The following KDM1B variants were observed in gnomAD, a reference collection of about 807,000 sequenced individuals.
The protein encoded by KDM1B is lysine demethylase 1B, also known as lysine-specific histone demethylase 2.
A neutral mutation model predicts 107.4 loss-of-function variants in KDM1B; 63 were observed. The ratio of observed to expected loss-of-function variants is 0.59; its 90% CI spans 0.48 to 0.72. The LOEUF (loss-of-function observed/expected upper bound fraction) is 0.72. Ranked by LOEUF, KDM1B falls within the 30% of genes least tolerant of loss-of-function variation. The pLI is 0.00. For synonymous variants in KDM1B, 363 were observed against 363.9 expected, an observed-to-expected ratio of 1.00 and a Z score of 0.03; for missense variants, 749 against 1,020.8, an observed-to-expected ratio of 0.73 and a Z score of 3.63.
At chr6:18,220,782 T>A (rs1383268461) in intron 21 of KDM1B, among the ~76,000 whole-genome samples, 2 of 151,614 alleles carry the variant, frequency 1.3e-5, no homozygotes, top group Non-Finnish European at 2.9e-5. Flanking sequence ...TTTCCTTTTT[T>A]TTTTTTTGAG....
In KDM1B at chr6:18,162,986, G is replaced by T. The variant is rs1236374219; in HGVS notation, c.305+62G>T. On this transcript the variant is annotated intron_variant, in intron 5 of 21. Transcript: ENST00000650836. The surrounding 1 kb of genome is among the most constrained non-coding windows in gnomAD (Gnocchi z 4.1). ...GGGGACCGTGGCAGGGGCAGTGCGT[G>T]TGGTCAGCTGATTAAAGCTTAGTCT... The T allele has an allele frequency of 3.1e-6, 3 of 963,560 alleles. No homozygotes were observed. The highest frequency in any genetic ancestry group is 3.5e-5 in the Admixed American group (2 of 57,950). The allele number at this position is 963,560 out of a possible 1,614,324, so 59.7% of individuals were successfully genotyped here.
At chr6:18,218,835 G>T (rs1789445329) in intron 21 of KDM1B, among the ~76,000 whole-genome samples, 1 of 151,948 alleles carries the variant, frequency 6.6e-6, no homozygotes, top group Non-Finnish European at 1.5e-5. Context: ...TGACCTCTGA[G>T]ATTACTGCAG....
At chr6:18,175,422 ACT>A (rs1203188764) in intron 7 of KDM1B, among the ~76,000 whole-genome samples, 6 of 151,434 alleles carry the variant, frequency 4.0e-5, no homozygotes, top group Non-Finnish European at 7.4e-5. Flanking sequence ...ATTTTCTCCC[ACT>A]CTCTGGGTTG....
intron 6 of KDM1B, among the ~76,000 whole-genome samples, chr6:18,166,681 TA>T (rs537691059): frequency 2.4e-4 from 36 of 151,854 alleles, no homozygotes; most frequent in Middle Eastern, 3.4e-3. Flanking sequence ...ACCCCATCTT[TA>T]CAAAAAAAAA....
At position 18,217,837 on chromosome 6, in the gene KDM1B, C is replaced by T. The variant is rs142860049; in HGVS notation, c.2337C>T (p.Tyr779=). Residue 779 remains tyrosine (Y), a synonymous_variant, in exon 21 of 22, where the codon TAC becomes TAT. Coordinates refer to ENST00000650836, the MANE Select transcript of KDM1B (RefSeq NM_001364614.2). The stretch of plus-strand genomic sequence containing the variant: ...AGACAGGTGGAAGTGGGGAGGCCTA[C>T]GATATCATTGCTGAAGACATTCAAG... ...FVKTGGSGEA[Y]DIIAEDIQGT... The T allele has an allele frequency of 2.1e-3, 3,437 of 1,613,988 alleles. 6 individuals carry two copies. The highest frequency in any genetic ancestry group is 2.3e-3 in the Middle Eastern group (14 of 6,062).
intron 5 of KDM1B, among the ~76,000 whole-genome samples, chr6:18,165,843 T>A (rs1785263549): frequency 1.3e-5 from 2 of 151,866 alleles, no homozygotes; most frequent in Non-Finnish European, 2.9e-5. Context: ...AAAAAAATAA[T>A]AAAAAAATAA....
chr6:18,197,943 T>TG lies in KDM1B; in HGVS notation c.1221+283dup. On this transcript the variant is annotated intron_variant, in intron 12 of 21. Coordinates refer to ENST00000650836, the MANE Select transcript of KDM1B (RefSeq NM_001364614.2). The surrounding 1 kb of genome is among the most constrained non-coding windows in gnomAD (Gnocchi z 4.5). ...AGAAATTCTTTTTTTTTTTTTTTTT[T>TG]GAGACAGAGTCTTGCTCTGTCGCCC... 6.7e-6 allele frequency among the ~76,000 whole-genome samples: 1 copy of TG among 148,788 alleles called. No individual in the cohort carries two copies. The highest frequency in any genetic ancestry group is 2.1e-4 in the South Asian group (1 of 4,748).
At chr6:18,183,840 A>T (rs1786648330) in intron 7 of KDM1B, among the ~76,000 whole-genome samples, 1 of 151,998 alleles carries the variant, frequency 6.6e-6, no homozygotes. Context: ...GTTCATGAAT[A>T]TAAGGGCTGT....
intron 21 of KDM1B, among the ~76,000 whole-genome samples, chr6:18,218,442 T>C (rs1229457163): frequency 6.6e-6 from 1 of 152,152 alleles, no homozygotes; most frequent in Non-Finnish European, 1.5e-5. Flanking sequence ...ATCTTCTGAT[T>C]TAACATTAGA....
intron 7 of KDM1B, among the ~76,000 whole-genome samples, chr6:18,185,214 T>C (rs1561926375): frequency 6.6e-6 from 1 of 152,192 alleles, no homozygotes; most frequent in Non-Finnish European, 1.5e-5. Flanking sequence ...ATGTTCGTAT[T>C]TTGTCACCGC....
At chr6:18,176,672 T>C (rs1323685175) in intron 7 of KDM1B, among the ~76,000 whole-genome samples, 1 of 152,218 alleles carries the variant, frequency 6.6e-6, no homozygotes, top group Non-Finnish European at 1.5e-5. Flanking sequence ...AAAGCGTTGC[T>C]GGATTTTGTC....
intron 6 of KDM1B, 125 bp downstream of exon 6, chr6:18,166,503 A>G (rs1785307274): frequency 1.6e-6 from 1 of 615,348 alleles, no homozygotes. Flanking sequence ...TATTAAAGCA[A>G]ATATTTTTTA....
intron 6 of KDM1B, among the ~76,000 whole-genome samples, chr6:18,169,750 T>A (rs1785536824): frequency 6.6e-6 from 1 of 152,162 alleles, no homozygotes. Context: ...TTCTAAGAGT[T>A]CTGTTGTTTG....
At chr6:18,170,173 A>G (rs974143555) in intron 6 of KDM1B, among the ~76,000 whole-genome samples, 1 of 152,134 alleles carries the variant, frequency 6.6e-6, no homozygotes, top group Non-Finnish European at 1.5e-5. Flanking sequence ...AGCCTCCCAA[A>G]GTGCAGGCGT....
intron 15 of KDM1B, among the ~76,000 whole-genome samples, chr6:18,206,151 CTT>C (rs70974712): frequency 1.2e-3 from 169 of 143,762 alleles, no homozygotes; most frequent in African/African-American, 1.8e-3. Context: ...GTTTTTTAAA[CTT>C]TTTTTTTTTT....
At chr6:18,208,829 AT>A (rs1481839526) in intron 17 of KDM1B, among the ~76,000 whole-genome samples, 82 of 123,376 alleles carry the variant, frequency 6.6e-4, no homozygotes, top group Non-Finnish European at 9.8e-4. Flanking sequence ...TTTTTTTTGT[AT>A]TTTTTAGTAG....
At chr6:18,183,784 A>C (rs1245944830) in intron 7 of KDM1B, among the ~76,000 whole-genome samples, 1 of 152,050 alleles carries the variant, frequency 6.6e-6, no homozygotes, top group Non-Finnish European at 1.5e-5. Flanking sequence ...AAAGAGTAGT[A>C]TTAGAATTAC....
At position 18,188,746 on chromosome 6, in the gene KDM1B, T is replaced by C. The variant is rs188959891; in HGVS notation, c.784+744T>C. Among the ~76,000 whole-genome samples the C allele has an allele frequency of 4.8e-3, 723 of 151,974 alleles. 3 individuals are homozygous for C. Among genetic ancestry groups the C allele is most frequent in the South Asian group, 0.011 (51 of 4,808 alleles). Reference sequence around the variant, plus strand: ...CTCCTGCCTCAGTCTCCTGAGTAGCTGGGACTCCAAGCACGTGCCACTACA... The same window carrying C: ...CTCCTGCCTCAGTCTCCTGAGTAGCCGGGACTCCAAGCACGTGCCACTACA... On this transcript the variant is annotated intron_variant, in intron 9 of 21. Transcript: ENST00000650836.
At position 18,191,858 on chromosome 6, in the gene KDM1B, A is replaced by T. The variant is rs777799833; in HGVS notation, c.969+477A>T. Among the ~76,000 whole-genome samples, 2 of 152,174 alleles carry T rather than the reference A, an allele frequency of 1.3e-5. No individual in the cohort carries two copies. Among genetic ancestry groups the T allele is most frequent in the Non-Finnish European group, 2.9e-5 (2 of 68,034 alleles). On this transcript the variant is annotated intron_variant, in intron 10 of 21. Coordinates refer to ENST00000650836, the MANE Select transcript of KDM1B (RefSeq NM_001364614.2). This position sits in a 1 kb window ranked among gnomAD's most constrained non-coding sequence, Gnocchi z 5.1. ...GCATCCTAAATCAACCAAGACCAGT[A>T]CATTTCTTCTGTTGGGTCTAAATAC...
Sources: gnomAD v4.1 joint callset for allele counts (sites outside exome capture counted in the v4.1 genomes callset) on GRCh38, gnomAD v4.1.1 for gene constraint, Gnocchi (gnomAD v3.1) non-coding constraint, MANE v1.5 for transcripts, NCBI Gene and HGNC (gene_info 2026-07-23, HGNC 2026-07-21) for gene names.